The following ANKRD53 variants were observed in gnomAD, a reference collection of about 807,000 sequenced individuals.
ANKRD53 encodes the protein ankyrin repeat domain-containing protein 53.
ANKRD53 carries 27 observed loss-of-function variants against 30.1 expected under a neutral mutation model. That is an observed-to-expected ratio of 0.90 (90% CI 0.66 to 1.24). ANKRD53 has a LOEUF of 1.24. ANKRD53 is among the 50% of genes most tolerant of loss of function. The probability of loss-of-function intolerance (pLI) is 0.00; values close to 1 mark genes in which losing one functional copy is unlikely to be tolerated. For synonymous variants in ANKRD53, 286 were observed against 295.4 expected, an observed-to-expected ratio of 0.97 and a Z score of 0.33; for missense variants, 682 against 721.0, an observed-to-expected ratio of 0.95 and a Z score of 0.62.
Position 70,985,050 on chromosome 2 carries a change from C to G in ANKRD53, c.1343C>G (p.Pro448Arg). 1 of 1,549,994 alleles carries G rather than the reference C, an allele frequency of 6.5e-7. No individual in the cohort carries two copies. The highest frequency in any genetic ancestry group is 8.7e-7 in the Non-Finnish European group (1 of 1,146,982). The change falls in exon 6 of 6, where the codon CCG (proline) becomes CGG (arginine). Residue 448 changes from proline (P) to arginine (R), a missense_variant. Physicochemically the swap from Pro to Arg is moderately radical, Grantham distance 103. Transcript: ENST00000360589. ...TVDGHWVAPV[P>R]RLPFEVLLRM... ...GACGGCCACTGGGTGGCGCCCGTGC[C>G]GCGGCTGCCTTTTGAGGTGCTGCTG...
At chr2:70,981,375 G>A (rs1670006011) in intron 3 of ANKRD53, among the ~76,000 whole-genome samples, 1 of 152,078 alleles carries the variant, frequency 6.6e-6, no homozygotes, top group South Asian at 2.1e-4. Context: ...GGTGTAGGGG[G>A]TAAAGCAGGT....
At chr2:70,981,220 C>A (rs1262742828) in intron 3 of ANKRD53, among the ~76,000 whole-genome samples, 13 of 152,186 alleles carry the variant, frequency 8.5e-5, no homozygotes, top group Admixed American at 2.6e-4. Context: ...ATGTGCTAAG[C>A]ACTATGCTAG....
At chr2:70,979,511 G>A in intron 2 of ANKRD53, 150 bp from the exon 3 acceptor site, 2 of 1,391,254 alleles carry the variant, frequency 1.4e-6, no homozygotes, top group Non-Finnish European at 1.9e-6. Flanking sequence ...GTGGGCTGAT[G>A]AACACACACT....
At position 70,979,148 on chromosome 2, in the gene ANKRD53, C is replaced by A. The variant is rs375507901; in HGVS notation, c.222C>A (p.Leu74=). Residue 74 remains leucine (L), a synonymous_variant, in exon 2 of 6, where the codon CTC becomes CTA. Transcript: ENST00000360589. ...ADHLSAQATA[L]ARPRRPASLT... ...ACCTCAGTGCGCAGGCGACTGCCCT[C>A]GCCAGGCCGCGCCGCCCTGCCTCGC... 6.2e-6 allele frequency: 10 copies of A among 1,609,608 alleles called. No individual in the cohort carries two copies. The highest frequency in any genetic ancestry group is 1.1e-5 in the South Asian group (1 of 90,976).
Position 70,985,115 on chromosome 2 carries a change from G to A in ANKRD53, c.1408G>A (p.Val470Met), listed in dbSNP as rs538639855. 3.2e-5 allele frequency: 49 copies of A among 1,551,104 alleles called. No individual in the cohort carries two copies. In the Admixed American group the frequency reaches 6.5e-4, roughly 20 times the overall value. Residue 470 changes from valine to methionine, a missense_variant, in exon 6 of 6, where the codon GTG becomes ATG. Physicochemically the swap from Val to Met is conservative, Grantham distance 21 (BLOSUM62 1). Coordinates refer to ENST00000360589, the MANE Select transcript of ANKRD53 (RefSeq NM_001115116.2). ...YPRVWPYRMK[V>M]PQGFYPISMR... The stretch of plus-strand genomic sequence containing the variant: ...ACGTGTATGGCCATACAGAATGAAG[G>A]TGCCCCAGGGCTTTTACCCCATCAG...
At chr2:70,979,996 T>C in intron 3 of ANKRD53, 136 bp downstream of exon 3, 1 of 1,013,166 alleles carries the variant, frequency 9.9e-7, no homozygotes, top group Non-Finnish European at 1.5e-6. Flanking sequence ...CATAAAGCAG[T>C]CAGGAATCCA....
chr2:70,978,773 C>T lies in ANKRD53; in HGVS notation c.128C>T (p.Ser43Phe). The stretch of plus-strand genomic sequence containing the variant: ...TCCATGCAGCAGGCGAACAAAGTCT[C>T]CTTGAAGGCCACCTGGACTGACGCG... ...SGSMQQANKVSLKATWTDAES... is the reference protein window; with the variant it reads ...SGSMQQANKVFLKATWTDAES... The change falls in exon 1 of 6, where the codon TCC becomes TTC. Residue 43 changes from serine to phenylalanine, a missense_variant. Physicochemically the swap from Ser to Phe is radical, Grantham distance 155. Coordinates refer to ENST00000360589, the MANE Select transcript of ANKRD53 (RefSeq NM_001115116.2). This position sits in a 1 kb window ranked among gnomAD's most constrained non-coding sequence, Gnocchi z 4.3. 4 of 1,571,738 alleles carry T rather than the reference C, an allele frequency of 2.5e-6. No homozygotes were observed. Among genetic ancestry groups the T allele is most frequent in the Non-Finnish European group, 3.5e-6 (4 of 1,159,408 alleles).
intron 3 of ANKRD53, among the ~76,000 whole-genome samples, chr2:70,980,702 T>C (rs1287764232): frequency 6.6e-6 from 1 of 151,882 alleles, no homozygotes; most frequent in Admixed American, 6.6e-5. Context: ...TCCCAGCACT[T>C]TGGGAGGCTG....
intron 1 of ANKRD53, 47 bp from the exon 2 acceptor site, chr2:70,979,050 G>C: frequency 6.6e-7 from 1 of 1,516,788 alleles, no homozygotes; most frequent in South Asian, 1.3e-5. Context: ...CCCGAGAGGT[G>C]CCCGGGCCGT....
intron 3 of ANKRD53, 69 bp from the exon 4 acceptor site, chr2:70,981,867 C>T: frequency 6.9e-7 from 1 of 1,459,506 alleles, no homozygotes; most frequent in Non-Finnish European, 9.1e-7. Flanking sequence ...GTGTGTCCAT[C>T]TATCTGATGG....
At chr2:70,979,418 G>C (rs1397047170) in intron 2 of ANKRD53, 75 bp downstream of exon 2, 9 of 1,591,858 alleles carry the variant, frequency 5.7e-6, no homozygotes, top group East Asian at 2.2e-5. Context: ...ACCTGGAGAA[G>C]AGATATCCTT....
At position 70,985,106 on chromosome 2, in the gene ANKRD53, A is replaced by G. The variant is rs1462145529; in HGVS notation, c.1399A>G (p.Arg467Gly). The G allele has an allele frequency of 6.4e-6, 10 of 1,551,066 alleles. No individual in the cohort carries two copies. The highest frequency in any genetic ancestry group is 7.8e-6 in the Non-Finnish European group (9 of 1,147,004). The change falls in exon 6 of 6, where the codon AGA becomes GGA. Residue 467 changes from arginine to glycine, a missense_variant. Arg to Gly is a moderately radical substitution (Grantham distance 125). Transcript: ENST00000360589. ...GCTGTACCCACGTGTATGGCCATAC[A>G]GAATGAAGGTGCCCCAGGGCTTTTA... The part of the protein sequence containing the change: ...RMLYPRVWPY[R>G]MKVPQGFYPI...
At position 70,982,630 on chromosome 2, in the gene ANKRD53, T is replaced by G. The variant is rs782008848; in HGVS notation, c.836T>G (p.Met279Arg). Residue 279 changes from methionine to arginine, a missense_variant, in exon 5 of 6, where the codon ATG becomes AGG. Transcript: ENST00000360589. This position sits in a 1 kb window ranked among gnomAD's most constrained non-coding sequence, Gnocchi z 4.2. ...KKDKKDFARE[M>R]TKMKMFKSQL... ...GACAAGAAGGACTTTGCCCGTGAGA[T>G]GACGAAAATGAAGATGTTCAAGAGC... is the stretch of plus-strand genomic sequence containing the variant. 5.6e-6 allele frequency: 9 copies of G among 1,614,054 alleles called. No homozygotes were observed. The highest frequency in any genetic ancestry group is 2.2e-5 in the East Asian group (1 of 44,866).
At chr2:70,979,483 T>G (rs1669935438) in intron 2 of ANKRD53, 140 bp downstream of exon 2, 3 of 1,480,048 alleles carry the variant, frequency 2.0e-6, no homozygotes, top group African/African-American at 2.8e-5. Context: ...AGGACCATTT[T>G]GGGGGCAGGG....
At position 70,978,797 on chromosome 2, in the gene ANKRD53, C is replaced by A. The variant is rs1572931207; in HGVS notation, c.152C>A (p.Ala51Glu). ...TCCTTGAAGGCCACCTGGACTGACGCGGAGTCCAAGCAGCCCAGGTGGGTA... is the reference window on the plus strand; with the variant it reads ...TCCTTGAAGGCCACCTGGACTGACGAGGAGTCCAAGCAGCCCAGGTGGGTA... The part of the protein sequence containing the change: ...KVSLKATWTD[A>E]ESKQPSQPLP... The change falls in exon 1 of 6, where the codon GCG (alanine) becomes GAG (glutamate). Residue 51 changes from alanine to glutamate, a missense_variant. Physicochemically the swap from Ala to Glu is moderately radical, Grantham distance 107. Transcript: ENST00000360589. This position sits in a 1 kb window ranked among gnomAD's most constrained non-coding sequence, Gnocchi z 4.3. The A allele has an allele frequency of 1.3e-6, 2 of 1,569,944 alleles. No homozygotes were observed. Among genetic ancestry groups the A allele is most frequent in the African/African-American group, 1.4e-5 (1 of 73,844 alleles).
At chr2:70,979,396 C>T in intron 2 of ANKRD53, 53 bp downstream of exon 2, 1 of 1,606,400 alleles carries the variant, frequency 6.2e-7, no homozygotes. Context: ...CGCTACGCTG[C>T]TCGGAGTGGT....
rs782199522 is a variant in ANKRD53, at chr2:70,981,926, C to G, written c.618-10C>G. On this transcript the variant is annotated splice_polypyrimidine_tract_variant and intron_variant, in intron 3 of 5. Transcript: ENST00000360589. The stretch of plus-strand genomic sequence containing the variant: ...TCTGCCCTTATCCCCACTGGTGGGG[C>G]CTTCCACAGTCAGACATGCAACGGC... 2 of 1,560,308 alleles carry G rather than the reference C, an allele frequency of 1.3e-6. No homozygotes were observed. The highest frequency in any genetic ancestry group is 1.4e-5 in the African/African-American group (1 of 72,874).
chr2:70,979,512 AAC>A (rs558211102), intron 2 of ANKRD53, 147 bp from the exon 3 acceptor site: 1 of 1,390,010 alleles, frequency 7.2e-7, no homozygotes, highest in Middle Eastern at 2.1e-4. Flanking sequence ...TGGGCTGATG[AAC>A]ACACACTGGT....
Position 70,982,839 on chromosome 2 carries a change from G to T in ANKRD53, c.903+142G>T, listed in dbSNP as rs2104858171. Reference sequence around the variant, plus strand: ...CACCCTTTCGCCTGTACTCCCACCGGGTACTCTGACTGAAATTCCGCTCTT... The same window carrying T: ...CACCCTTTCGCCTGTACTCCCACCGTGTACTCTGACTGAAATTCCGCTCTT... On this transcript the variant is annotated intron_variant, in intron 5 of 5. Transcript: ENST00000360589. The surrounding 1 kb of genome is among the most constrained non-coding windows in gnomAD (Gnocchi z 4.2). 2.7e-6 allele frequency: 3 copies of T among 1,131,204 alleles called. No individual in the cohort carries two copies. The South Asian group carries it at 5.5e-5, about 21-fold the overall frequency. 70.1% of individuals were successfully genotyped at this position (1,131,204 alleles called of 1,614,324 possible). A position where few individuals can be genotyped will look rare whatever the true frequency, so the allele number is the denominator to read the frequency against.
Sources: gnomAD v4.1 joint callset for allele counts (sites outside exome capture counted in the v4.1 genomes callset) on GRCh38, gnomAD v4.1.1 for gene constraint, Gnocchi (gnomAD v3.1) non-coding constraint, MANE v1.5 for transcripts, NCBI Gene and HGNC (gene_info 2026-07-23, HGNC 2026-07-21) for gene names.